Variants in NRF1 observed in about 807,000 individuals in gnomAD.
The protein encoded by NRF1 is nuclear respiratory factor 1.
A neutral mutation model predicts 58.5 loss-of-function variants in NRF1; 5 were observed. The ratio of observed to expected loss-of-function variants is 0.09; its 90% CI spans 0.04 to 0.18. NRF1 has a LOEUF of 0.18. NRF1 is among the 10% of genes least tolerant of loss of function. The pLI, the probability that NRF1 is intolerant of heterozygous loss-of-function variation, is 1.00. For synonymous variants in NRF1, 224 were observed against 246.7 expected, an observed-to-expected ratio of 0.91 and a Z score of 0.86; for missense variants, 288 against 657.7, an observed-to-expected ratio of 0.44 and a Z score of 6.15.
intron 10 of NRF1, among the ~76,000 whole-genome samples, chr7:129,738,946 A>T (rs1318223697): frequency 6.6e-6 from 1 of 152,196 alleles, no homozygotes; most frequent in African/African-American, 2.4e-5. Flanking sequence ...CATAATACAA[A>T]TGAAAATCAT....
At chr7:129,721,018 C>G (rs1387486434) in intron 9 of NRF1, among the ~76,000 whole-genome samples, 1 of 151,392 alleles carries the variant, frequency 6.6e-6, no homozygotes, top group South Asian at 2.1e-4. Flanking sequence ...ATATATAATA[C>G]CATATATATG....
chr7:129,667,387 G>A (rs1244892473), intron 2 of NRF1, among the ~76,000 whole-genome samples: 1 of 152,058 alleles, frequency 6.6e-6, no homozygotes, highest in Non-Finnish European at 1.5e-5. Flanking sequence ...CTTTATTGAC[G>A]TCTCAATTTT....
chr7:129,698,090 A>G (rs530832026), intron 5 of NRF1, among the ~76,000 whole-genome samples: 5 of 152,230 alleles, frequency 3.3e-5, no homozygotes, highest in African/African-American at 9.6e-5. Context: ...CTTGTCTCCT[A>G]CACATATAAA....
intron 1 of NRF1, among the ~76,000 whole-genome samples, chr7:129,627,003 G>A (rs1252190746): frequency 6.6e-6 from 1 of 152,206 alleles, no homozygotes; most frequent in African/African-American, 2.4e-5. Flanking sequence ...AGGTTAGTGT[G>A]GTTTCTAATA....
chr7:129,662,413 TGTGTG>T (rs1801805999), intron 2 of NRF1, among the ~76,000 whole-genome samples: 1 of 151,360 alleles, frequency 6.6e-6, no homozygotes, highest in African/African-American at 2.4e-5. Context: ...TGTGTGTGTG[TGTGTG>T]TGTGTTTCCT....
At chr7:129,635,736 A>C (rs975647202) in intron 1 of NRF1, among the ~76,000 whole-genome samples, 1 of 152,090 alleles carries the variant, frequency 6.6e-6, no homozygotes, top group Non-Finnish European at 1.5e-5. Flanking sequence ...AGTGCCCCCA[A>C]GTGGTTGTCT....
intron 4 of NRF1, among the ~76,000 whole-genome samples, chr7:129,685,254 A>G (rs1802417134): frequency 6.6e-6 from 1 of 152,202 alleles, no homozygotes; most frequent in Non-Finnish European, 1.5e-5. Flanking sequence ...CCTTATAGCA[A>G]ACATTTTGAA....
At chr7:129,731,736 G>T (rs751888426) in intron 10 of NRF1, among the ~76,000 whole-genome samples, 2 of 152,008 alleles carry the variant, frequency 1.3e-5, no homozygotes, top group Non-Finnish European at 2.9e-5. Context: ...CTACTGAGAC[G>T]CTGGGACCAC....
chr7:129,621,561 C>A (rs1443970876), intron 1 of NRF1, among the ~76,000 whole-genome samples: 1 of 151,838 alleles, frequency 6.6e-6, no homozygotes, highest in African/African-American at 2.4e-5. Context: ...TAAAAATAGC[C>A]CACAAATCAA....
chr7:129,679,378 T>TA (rs748573685), intron 4 of NRF1, among the ~76,000 whole-genome samples: 94 of 152,258 alleles, frequency 6.2e-4, no homozygotes, highest in Non-Finnish European at 1.2e-3. Flanking sequence ...TCATGTCTGA[T>TA]AAAAAAACTT....
At position 129,657,426 on chromosome 7, in the gene NRF1, G is replaced by A; in HGVS notation, c.75G>A (p.Gln25=). 3 of 1,614,092 alleles carry A rather than the reference G, an allele frequency of 1.9e-6. No homozygotes were observed. Among genetic ancestry groups the A allele is most frequent in the Non-Finnish European group, 2.5e-6 (3 of 1,180,014 alleles). Residue 25 remains glutamine (Q), a synonymous_variant, in exon 2 of 11, where the codon CAG becomes CAA. Transcript: ENST00000393232. ...CACATGCAGTGGCCCAGCAAGTGCA[G>A]CAGGTCCATGTGGCTACTTACACCG... ...IEAHAVAQQV[Q]QVHVATYTEH...
chr7:129,752,756 AAGAG>A lies in NRF1; in HGVS notation c.1349-2258_1349-2255del, dbSNP rs533781567. Among the ~76,000 whole-genome samples the A allele has an allele frequency of 2.5e-4, 38 of 152,330 alleles. No individual in the cohort carries two copies. The South Asian group carries it at 7.5e-3, about 30-fold the overall frequency. On this transcript the variant is annotated intron_variant, in intron 10 of 10. Transcript: ENST00000393232. ...GAGTGACTGGGAAGGGGTGAACTGA[AAGAG>A]AGATTAATTAAAGACAGTTAAGAGC...
intron 2 of NRF1, among the ~76,000 whole-genome samples, chr7:129,666,556 G>C (rs1201699157): frequency 6.6e-6 from 1 of 152,022 alleles, no homozygotes; most frequent in African/African-American, 2.4e-5. Flanking sequence ...TTTTGAGATG[G>C]AGTTTCACTC....
Position 129,614,185 on chromosome 7 carries a change from G to A in NRF1, c.-7+2361G>A, listed in dbSNP as rs189440304. ...GGCTGGAGTGCAGTGGTGCGATCTCGGCTCACTGCAACATCTGCCTCCTGG... is the reference window on the plus strand; with the variant it reads ...GGCTGGAGTGCAGTGGTGCGATCTCAGCTCACTGCAACATCTGCCTCCTGG... On this transcript the variant is annotated intron_variant, in intron 1 of 10. Coordinates refer to ENST00000393232, the MANE Select transcript of NRF1 (RefSeq NM_005011.5). Among the ~76,000 whole-genome samples the A allele has an allele frequency of 8.8e-3, 1,341 of 152,040 alleles. 16 individuals are homozygous for A. The highest frequency in any genetic ancestry group is 0.031 in the African/African-American group (1,275 of 41,484).
chr7:129,674,920 G>A (rs1014661843), intron 3 of NRF1, among the ~76,000 whole-genome samples: 5 of 152,132 alleles, frequency 3.3e-5, no homozygotes, highest in African/African-American at 1.2e-4. Flanking sequence ...TTGCCCTATC[G>A]ATTGACTCTT....
chr7:129,754,470 A>AAAAAAAAAAAAAAG (rs1804202497), intron 10 of NRF1, among the ~76,000 whole-genome samples: 1 of 149,640 alleles, frequency 6.7e-6, no homozygotes, highest in Non-Finnish European at 1.5e-5. Flanking sequence ...CTCTTAAAAA[A>AAAAAAAAAAAAAAG]AAAAAAAAAA....
At chr7:129,648,945 C>T (rs1309197454) in intron 1 of NRF1, among the ~76,000 whole-genome samples, 5 of 150,942 alleles carry the variant, frequency 3.3e-5, no homozygotes, top group Non-Finnish European at 7.4e-5. Flanking sequence ...CTGTAGAGCC[C>T]AGTGGTGTGG....
intron 4 of NRF1, among the ~76,000 whole-genome samples, chr7:129,689,729 A>G (rs1802521728): frequency 6.6e-6 from 1 of 152,202 alleles, no homozygotes; most frequent in Non-Finnish European, 1.5e-5. Context: ...CCTGGGCTAG[A>G]GCTAAAGGCG....
At chr7:129,673,823 G>A (rs1023343241) in intron 3 of NRF1, among the ~76,000 whole-genome samples, 2 of 150,516 alleles carry the variant, frequency 1.3e-5, no homozygotes, top group African/African-American at 4.9e-5. Context: ...AGAACTTAAA[G>A]TAAAATTAAA....
Sources: allele counts gnomAD v4.1 joint callset (sites outside exome capture counted in the v4.1 genomes callset), GRCh38; gene constraint gnomAD v4.1.1; transcripts MANE v1.5; gene names NCBI Gene and HGNC (gene_info 2026-07-23, HGNC 2026-07-21).